SEMA3A: variants seen among roughly 807,000 people sequenced by gnomAD.
SEMA3A encodes the protein semaphorin 3A.
SEMA3A carries 29 observed loss-of-function variants against 97.9 expected under a neutral mutation model. The observed-to-expected ratio is 0.30, with a 90% CI of 0.22 to 0.40. SEMA3A has a LOEUF of 0.40. SEMA3A is among the 10% of genes least tolerant of loss of function. The probability of loss-of-function intolerance (pLI) is 1.00; values close to 1 mark genes in which losing one functional copy is unlikely to be tolerated. For missense variants in SEMA3A, 763 were observed against 951.3 expected (o/e 0.80, Z 2.60); for synonymous variants, 321 against 323.7 (o/e 0.99, Z 0.09).
At chr7:84,034,376 C>G (rs1182302293) in intron 6 of SEMA3A, among the ~76,000 whole-genome samples, 2 of 152,226 alleles carry the variant, frequency 1.3e-5, no homozygotes, top group East Asian at 3.9e-4. Context: ...CAGAAATATG[C>G]AAATTTTTAA....
At chr7:84,090,752 C>T (rs1794540150) in intron 4 of SEMA3A, among the ~76,000 whole-genome samples, 1 of 151,874 alleles carries the variant, frequency 6.6e-6, no homozygotes, top group African/African-American at 2.4e-5. Context: ...GTAAAATATT[C>T]CAGATACTAC....
chr7:84,423,729 T>A (rs891068410), intron 1 of SEMA3A, among the ~76,000 whole-genome samples: 3 of 151,914 alleles, frequency 2.0e-5, no homozygotes, highest in African/African-American at 7.2e-5. Context: ...AAAATGTATT[T>A]CTAAAAATAT....
At chr7:84,005,821 T>C (rs981080400) in intron 10 of SEMA3A, among the ~76,000 whole-genome samples, 1 of 151,988 alleles carries the variant, frequency 6.6e-6, no homozygotes, top group Non-Finnish European at 1.5e-5. Context: ...TGATGGTGCA[T>C]GCCTGTAGTC....
At chr7:84,184,896 A>T (rs1797833287) in intron 1 of SEMA3A, among the ~76,000 whole-genome samples, 2 of 152,154 alleles carry the variant, frequency 1.3e-5, no homozygotes, top group African/African-American at 4.8e-5. Flanking sequence ...GAACTTGGTT[A>T]GACAGCAACA....
intron 1 of SEMA3A, among the ~76,000 whole-genome samples, chr7:84,141,563 G>A (rs2116074060): frequency 6.6e-6 from 1 of 152,172 alleles, no homozygotes; most frequent in South Asian, 2.1e-4. Context: ...TGTTACATAG[G>A]TAAACGTATG....
chr7:84,452,018 T>C (rs895259298), intron 1 of SEMA3A, among the ~76,000 whole-genome samples: 9 of 152,152 alleles, frequency 5.9e-5, no homozygotes, highest in African/African-American at 2.2e-4. Context: ...AAATATTTAA[T>C]TGTTTGTTTT....
intron 15 of SEMA3A, among the ~76,000 whole-genome samples, chr7:83,966,890 TAGTAG>T (rs1403277614): frequency 6.6e-6 from 1 of 152,100 alleles, no homozygotes; most frequent in Non-Finnish European, 1.5e-5. Context: ...TTTGTATTTT[TAGTAG>T]AGACAGGGTT....
chr7:84,462,050 G>A (rs777717711), intron 1 of SEMA3A, among the ~76,000 whole-genome samples: 2 of 151,896 alleles, frequency 1.3e-5, no homozygotes, highest in Admixed American at 6.6e-5. Flanking sequence ...ATTTTTAAAC[G>A]TTGGTGATAG....
At chr7:83,988,381 C>A (rs797815) in intron 12 of SEMA3A, among the ~76,000 whole-genome samples, 39,526 of 151,914 alleles carry the variant, frequency 0.26, 5,993 homozygotes, top group East Asian at 0.62. Flanking sequence ...CGCCCACCAC[C>A]ACGACTGGCT....
intron 4 of SEMA3A, among the ~76,000 whole-genome samples, chr7:84,083,412 A>T (rs1455660303): frequency 6.8e-6 from 1 of 148,034 alleles, no homozygotes. Flanking sequence ...TGGGATATCT[A>T]TCACCTTAGG....
intron 16 of SEMA3A, among the ~76,000 whole-genome samples, chr7:83,962,877 A>T (rs1788525314): frequency 6.6e-6 from 1 of 152,054 alleles, no homozygotes; most frequent in Admixed American, 6.6e-5. Context: ...AATTAGTAGG[A>T]GGTTTTTTTT....
chr7:84,004,275 AAAT>A (rs1790575495), intron 11 of SEMA3A, among the ~76,000 whole-genome samples: 1 of 152,110 alleles, frequency 6.6e-6, no homozygotes. Flanking sequence ...GGAAAAAATA[AAAT>A]AATATATCAT....
In SEMA3A at chr7:84,220,805, C is replaced by CATA. The variant is rs1798860760; in HGVS notation, c.-82-26140_-82-26138dup. ...TGCTGTCACACAGACTTCATTGTCCCATATGCAGTGCACAGGCAGAGTAGA... is the reference window on the plus strand; with the variant it reads ...TGCTGTCACACAGACTTCATTGTCCCATAATATGCAGTGCACAGGCAGAGTAGA... On this transcript the variant is annotated intron_variant, in intron 3 of 3. Transcript: ENST00000424555. Among the ~76,000 whole-genome samples, 8 of 152,244 alleles carry CATA rather than the reference C, an allele frequency of 5.3e-5. No individual in the cohort carries two copies. In the South Asian group the frequency reaches 1.7e-3, roughly 32 times the overall value.
At chr7:84,016,537 CAA>C (rs60668785) in intron 6 of SEMA3A, among the ~76,000 whole-genome samples, 35 of 102,392 alleles carry the variant, frequency 3.4e-4, no homozygotes, top group Non-Finnish European at 3.3e-4. Flanking sequence ...GACTCTGTCT[CAA>C]AAAAAAAAAA....
intron 4 of SEMA3A, among the ~76,000 whole-genome samples, chr7:84,098,167 T>G (rs1354669851): frequency 1.3e-5 from 2 of 152,222 alleles, no homozygotes; most frequent in Non-Finnish European, 2.9e-5. Flanking sequence ...CATACTTTTC[T>G]GTGTATTTAA....
intron 5 of SEMA3A, among the ~76,000 whole-genome samples, chr7:84,055,693 T>C (rs944822411): frequency 5.3e-5 from 8 of 152,066 alleles, no homozygotes; most frequent in South Asian, 2.1e-4. Context: ...GAGCTGTAGA[T>C]CGGAGCTGTT....
intron 4 of SEMA3A, among the ~76,000 whole-genome samples, chr7:84,093,408 T>C (rs1361245388): frequency 2.0e-5 from 3 of 152,144 alleles, no homozygotes; most frequent in Non-Finnish European, 2.9e-5. Flanking sequence ...TACAAGTCAG[T>C]GGAACTTGTT....
intron 2 of SEMA3A, among the ~76,000 whole-genome samples, chr7:84,321,743 G>A (rs975458305): frequency 2.0e-5 from 3 of 151,712 alleles, no homozygotes; most frequent in Non-Finnish European, 2.9e-5. Flanking sequence ...GGGCGTGGTG[G>A]CGCACGCCTC....
At chr7:84,179,799 T>C (rs1797681937) in intron 1 of SEMA3A, among the ~76,000 whole-genome samples, 1 of 151,064 alleles carries the variant, frequency 6.6e-6, no homozygotes, top group Non-Finnish European at 1.5e-5. Context: ...GAAGCAAGAG[T>C]GTAATATTAT....
Sources: allele counts gnomAD v4.1 joint callset (sites outside exome capture counted in the v4.1 genomes callset), GRCh38; gene constraint gnomAD v4.1.1; transcripts MANE v1.5; gene names NCBI Gene and HGNC (gene_info 2026-07-23, HGNC 2026-07-21).